The following FGD4 variants were observed in gnomAD, a reference collection of about 807,000 sequenced individuals.
FGD4 encodes FYVE, RhoGEF and PH domain-containing protein 4.
In FGD4, 42 loss-of-function variants were observed where a neutral mutation model predicts 102.0. The observed-to-expected ratio is 0.41, with a 90% CI of 0.32 to 0.53. The LOEUF (loss-of-function observed/expected upper bound fraction) is 0.53, where lower values mean the gene tolerates loss of function less well. Ranked by LOEUF, FGD4 falls within the 20% of genes least tolerant of loss-of-function variation. FGD4 has a pLI of 0.21. For synonymous variants in FGD4, 380 were observed against 375.7 expected, an observed-to-expected ratio of 1.01 and a Z score of -0.13; for missense variants, 902 against 1,078.2, an observed-to-expected ratio of 0.84 and a Z score of 2.29.
At chr12:32,410,833 G>A (rs528817291) in intron 1 of FGD4, among the ~76,000 whole-genome samples, 3 of 152,022 alleles carry the variant, frequency 2.0e-5, no homozygotes, top group Non-Finnish European at 2.9e-5. Context: ...CAAGGCTGGG[G>A]TTGTCCCCTG....
At chr12:32,409,171 T>C (rs1307029377) in intron 1 of FGD4, among the ~76,000 whole-genome samples, 4 of 152,226 alleles carry the variant, frequency 2.6e-5, no homozygotes, top group Non-Finnish European at 2.9e-5. Flanking sequence ...CCAGTTCTTA[T>C]CAGTTTTCCT....
intron 5 of FGD4, among the ~76,000 whole-genome samples, chr12:32,599,494 C>CAAAAAAAAAAAAAAAAAAAAAAAAA (rs777429838): frequency 5.1e-5 from 1 of 19,696 alleles, no homozygotes; most frequent in Non-Finnish European, 8.8e-5. Flanking sequence ...GACTCCGTCT[C>CAAAAAAAAAAAAAAAAAAAAAAAAA]AAAAAAAAAA....
At chr12:32,521,175 T>G (rs1265331980) in intron 1 of FGD4, among the ~76,000 whole-genome samples, 1 of 151,716 alleles carries the variant, frequency 6.6e-6, no homozygotes, top group Non-Finnish European at 1.5e-5. Context: ...GATCACGAGG[T>G]CAGGAGATCG....
intron 11 of FGD4, among the ~76,000 whole-genome samples, chr12:32,621,863 G>GCTA (rs1181801490): frequency 6.6e-6 from 1 of 151,378 alleles, no homozygotes; most frequent in African/African-American, 2.4e-5. Context: ...GATTTACTGA[G>GCTA]CTACTGGCCC....
At chr12:32,485,968 C>A in intron 1 of FGD4, 1 of 1,324,208 alleles carries the variant, frequency 7.6e-7, no homozygotes, top group Non-Finnish European at 9.6e-7. Context: ...CTGTACTTCC[C>A]ATTAGTTAGT....
At chr12:32,417,514 A>G (rs1043712122) in intron 1 of FGD4, among the ~76,000 whole-genome samples, 1 of 151,346 alleles carries the variant, frequency 6.6e-6, no homozygotes, top group African/African-American at 2.4e-5. Context: ...CTGGAGTACA[A>G]TGGTGCGATC....
chr12:32,525,240 G>A (rs1941019519), intron 1 of FGD4, among the ~76,000 whole-genome samples: 1 of 152,194 alleles, frequency 6.6e-6, no homozygotes, highest in African/African-American at 2.4e-5. Context: ...AGGGCAAAGA[G>A]AGAGATTATT....
intron 1 of FGD4, among the ~76,000 whole-genome samples, chr12:32,552,027 A>C (rs547591800): frequency 6.6e-6 from 1 of 152,336 alleles, no homozygotes; most frequent in South Asian, 2.1e-4. Context: ...AGGGACCAAG[A>C]AATGGGTGTT....
intron 1 of FGD4, among the ~76,000 whole-genome samples, chr12:32,560,378 A>ATCT (rs1944441563): frequency 6.6e-6 from 1 of 152,100 alleles, no homozygotes; most frequent in Non-Finnish European, 1.5e-5. Context: ...CGGCCTTCTA[A>ATCT]GTAGCTGGGA....
chr12:32,586,287 A>G (rs1368836416), intron 4 of FGD4, among the ~76,000 whole-genome samples: 3 of 152,216 alleles, frequency 2.0e-5, no homozygotes, highest in Non-Finnish European at 2.9e-5. Context: ...AAAGTTTACA[A>G]TTTTCATTGA....
chr12:32,548,634 A>G (rs1300639981), intron 1 of FGD4, among the ~76,000 whole-genome samples: 1 of 152,192 alleles, frequency 6.6e-6, no homozygotes, highest in African/African-American at 2.4e-5. Context: ...TGCATTTGAG[A>G]GAAATGAGGG....
At chr12:32,421,060 A>G (rs1941607691) in intron 1 of FGD4, among the ~76,000 whole-genome samples, 1 of 152,152 alleles carries the variant, frequency 6.6e-6, no homozygotes, top group East Asian at 1.9e-4. Context: ...TGCCCAACCA[A>G]ACATAAGAAT....
intron 1 of FGD4, among the ~76,000 whole-genome samples, chr12:32,420,989 C>T (rs1426110961): frequency 6.6e-6 from 1 of 152,144 alleles, no homozygotes; most frequent in Non-Finnish European, 1.5e-5. Context: ...AACTCCTGGG[C>T]TCAAGTGATC....
At chr12:32,534,895 C>T (rs992574474) in intron 1 of FGD4, among the ~76,000 whole-genome samples, 5 of 152,210 alleles carry the variant, frequency 3.3e-5, no homozygotes, top group Admixed American at 6.5e-5. Flanking sequence ...TGCTACTGCA[C>T]GGAGCATTGT....
At chr12:32,594,248 G>A in intron 4 of FGD4, among the ~76,000 whole-genome samples, 1 of 152,140 alleles carries the variant, frequency 6.6e-6, no homozygotes, top group Non-Finnish European at 1.5e-5. Flanking sequence ...TACCATCTGA[G>A]CTCCACCTCC....
intron 1 of FGD4, chr12:32,485,978 T>C (rs1455677280): frequency 8.9e-6 from 12 of 1,341,582 alleles, no homozygotes; most frequent in Non-Finnish European, 1.0e-5. Flanking sequence ...CATTAGTTAG[T>C]TCTTTATCAT....
At chr12:32,627,294 T>A (rs12307669) in intron 14 of FGD4, among the ~76,000 whole-genome samples, 22,863 of 151,814 alleles carry the variant, frequency 0.15, 1,970 homozygotes, top group Middle Eastern at 0.26. Context: ...AGCTGGGATT[T>A]TGGGCATGCA....
chr12:32,433,678 T>C (rs955536513), intron 1 of FGD4, among the ~76,000 whole-genome samples: 6 of 152,114 alleles, frequency 3.9e-5, no homozygotes, highest in African/African-American at 1.4e-4. Context: ...AAGTACATGT[T>C]TTATGTAACG....
intron 1 of FGD4, among the ~76,000 whole-genome samples, chr12:32,460,142 C>T (rs1943064246): frequency 6.6e-6 from 1 of 152,120 alleles, no homozygotes; most frequent in South Asian, 2.1e-4. Flanking sequence ...TTTATCATGC[C>T]TTGAGATATT....
Sources: gnomAD v4.1 joint callset for allele counts (sites outside exome capture counted in the v4.1 genomes callset) on GRCh38, gnomAD v4.1.1 for gene constraint, MANE v1.5 for transcripts, NCBI Gene and HGNC (gene_info 2026-07-23, HGNC 2026-07-21) for gene names.